The following ARHGAP22 variants were observed in gnomAD, a reference collection of about 807,000 sequenced individuals.
The protein encoded by ARHGAP22 is rho GTPase-activating protein 22.
In ARHGAP22, 48 loss-of-function variants were observed where a neutral mutation model predicts 59.1. The observed-to-expected ratio is 0.81, with a 90% CI of 0.64 to 1.03. The LOEUF (loss-of-function observed/expected upper bound fraction) is 1.03, where lower values mean the gene tolerates loss of function less well. ARHGAP22 is among the 50% of genes least tolerant of loss of function. The pLI is 0.00. For missense variants in ARHGAP22, 1,015 were observed against 958.7 expected (o/e 1.06, Z -0.78); for synonymous variants, 445 against 416.4 (o/e 1.07, Z -0.84).
chr10:48,491,822 C>T (rs568566080), intron 3 of ARHGAP22, among the ~76,000 whole-genome samples: 78 of 152,342 alleles, frequency 5.1e-4, no homozygotes, highest in African/African-American at 1.8e-3. Flanking sequence ...TGTTTAGAAA[C>T]AGCCCCAGCT....
At chr10:48,585,675 C>T (rs2059385890) in intron 1 of ARHGAP22, among the ~76,000 whole-genome samples, 1 of 152,228 alleles carries the variant, frequency 6.6e-6, no homozygotes, top group South Asian at 2.1e-4. Flanking sequence ...ATGGGTACCA[C>T]TAGCCACCCT....
intron 3 of ARHGAP22, chr10:48,493,419 G>T: frequency 6.5e-7 from 1 of 1,532,582 alleles, no homozygotes; most frequent in South Asian, 1.2e-5. Context: ...GCCTGCCAGT[G>T]ACTCCAGCTA....
intron 2 of ARHGAP22, among the ~76,000 whole-genome samples, chr10:48,563,484 C>T (rs1214532297): frequency 1.3e-5 from 2 of 152,198 alleles, no homozygotes; most frequent in Admixed American, 1.3e-4. Flanking sequence ...GCCACCGCAC[C>T]TGGCCAATCC....
intron 4 of ARHGAP22, among the ~76,000 whole-genome samples, chr10:48,466,079 T>C (rs758630984): frequency 6.6e-6 from 1 of 152,064 alleles, no homozygotes; most frequent in African/African-American, 2.4e-5. Context: ...CAGTAGAGGC[T>C]AAGCTCACCT....
intron 1 of ARHGAP22, among the ~76,000 whole-genome samples, chr10:48,612,975 G>A (rs1302419002): frequency 2.0e-5 from 3 of 152,216 alleles, no homozygotes; most frequent in Non-Finnish European, 2.9e-5. Flanking sequence ...GGTTAGGACC[G>A]ATAGTAATCT....
At chr10:48,434,121 T>C in the ARHGAP22 span, among the ~76,000 whole-genome samples, 1 of 152,202 alleles carries the variant, frequency 6.6e-6, no homozygotes, top group Non-Finnish European at 1.5e-5. Context: ...TGTTAACTTT[T>C]TAAAATCCAG....
intron 1 of ARHGAP22, among the ~76,000 whole-genome samples, chr10:48,615,743 A>C (rs1205054217): frequency 6.6e-6 from 1 of 152,174 alleles, no homozygotes; most frequent in African/African-American, 2.4e-5. Context: ...CAAAGATCTA[A>C]AGGTAATTGG....
chr10:48,583,291 TC>T lies in ARHGAP22; in HGVS notation c.35-140del, dbSNP rs1322698609. 3 of 982,286 alleles carry T rather than the reference TC, an allele frequency of 3.1e-6. No homozygotes were observed. The African/African-American group carries it at 4.9e-5, about 16-fold the overall frequency. 60.8% of individuals were successfully genotyped at this position (982,286 alleles called of 1,614,324 possible). On this transcript the variant is annotated intron_variant, in intron 1 of 9. Transcript: ENST00000249601. ...CAGGATGTGAGCAGCTGGGCCTACT[TC>T]CCCTTGGCATTGAAGGGGCATGGGT...
At chr10:48,655,008 CTCTT>C (rs369212947), upstream of ARHGAP22, among the ~76,000 whole-genome samples, 128 of 76,572 alleles carry the variant, frequency 1.7e-3, 13 homozygotes, top group Middle Eastern at 5.2e-3. Flanking sequence ...CTCTTTCTTT[CTCTT>C]TCTTTCTTTC....
Position 48,635,954 on chromosome 10 carries a change from C to T in ARHGAP22, c.52+16280G>A, listed in dbSNP as rs559177688. Among the ~76,000 whole-genome samples the T allele has an allele frequency of 2.0e-5, 3 of 152,300 alleles. No homozygotes were observed. In the South Asian group the frequency reaches 6.2e-4, roughly 32 times the overall value. ...GGCTACAGGAATTAAATGACATCACCCCTGTGGATATTGAAGAGAGTTGTA... is the reference window on the plus strand; with the variant it reads ...GGCTACAGGAATTAAATGACATCACTCCTGTGGATATTGAAGAGAGTTGTA... On this transcript the variant is annotated intron_variant, in intron 1 of 9. Coordinates refer to the ARHGAP22 transcript ENST00000435790.
At chr10:48,523,111 A>C (rs1376495153) in intron 3 of ARHGAP22, among the ~76,000 whole-genome samples, 1 of 152,178 alleles carries the variant, frequency 6.6e-6, no homozygotes, top group Non-Finnish European at 1.5e-5. Context: ...AGGAAGGAAG[A>C]CCTAGTGCTC....
At chr10:48,517,397 A>AT (rs1321001837) in intron 3 of ARHGAP22, among the ~76,000 whole-genome samples, 1 of 152,156 alleles carries the variant, frequency 6.6e-6, no homozygotes, top group East Asian at 1.9e-4. Flanking sequence ...TTAGGGGTTC[A>AT]TTTCATTGAG....
chr10:48,533,367 G>C (rs1326951332), intron 3 of ARHGAP22, among the ~76,000 whole-genome samples: 1 of 151,976 alleles, frequency 6.6e-6, no homozygotes, highest in Admixed American at 6.5e-5. Flanking sequence ...TGGCTTCCAG[G>C]AAGCTCAAGA....
chr10:48,547,060 G>C (rs558835238), intron 3 of ARHGAP22, among the ~76,000 whole-genome samples: 112 of 152,306 alleles, frequency 7.4e-4, no homozygotes, highest in African/African-American at 2.6e-3. Context: ...TGGAGAGATG[G>C]GTGGTCTGGA....
chr10:48,483,374 T>C (rs2134122966), intron 3 of ARHGAP22, among the ~76,000 whole-genome samples: 1 of 152,290 alleles, frequency 6.6e-6, no homozygotes, highest in Admixed American at 6.5e-5. Flanking sequence ...CCGGCATAAA[T>C]GGGTTAATTC....
intron 5 of ARHGAP22, among the ~76,000 whole-genome samples, chr10:48,456,956 G>A (rs961828069): frequency 4.6e-5 from 7 of 152,238 alleles, no homozygotes; most frequent in South Asian, 4.2e-4. Context: ...ACAGCCCGTG[G>A]TCCTGTGGGC....
intron 3 of ARHGAP22, among the ~76,000 whole-genome samples, chr10:48,521,252 G>A (rs1457775274): frequency 3.3e-5 from 5 of 151,996 alleles, no homozygotes; most frequent in South Asian, 4.2e-4. Flanking sequence ...TCCCCTCCCC[G>A]AAAAAGGCAC....
downstream of ARHGAP22, among the ~76,000 whole-genome samples, chr10:48,441,593 A>G (rs1322399224): frequency 6.6e-6 from 1 of 152,010 alleles, no homozygotes; most frequent in Non-Finnish European, 1.5e-5. Context: ...CTGGGACTAC[A>G]GGTGCCCGCC....
chr10:48,510,977 G>A (rs1234456505), intron 3 of ARHGAP22: 1 of 152,350 alleles, frequency 6.6e-6, no homozygotes, highest in Non-Finnish European at 1.5e-5. Flanking sequence ...GCAAGAGGGG[G>A]TCAGGGTTTG....
Sources: gnomAD v4.1 joint callset for allele counts (sites outside exome capture counted in the v4.1 genomes callset) on GRCh38, gnomAD v4.1.1 for gene constraint, MANE v1.5 for transcripts, NCBI Gene and HGNC (gene_info 2026-07-23, HGNC 2026-07-21) for gene names.